Variants in MYO5B observed in about 807,000 individuals in gnomAD.
MYO5B encodes the protein myosin VB.
A neutral mutation model predicts 229.3 loss-of-function variants in MYO5B; 143 were observed. The observed-to-expected ratio is 0.62, with a 90% CI of 0.54 to 0.72. The LOEUF is 0.72. MYO5B is among the 30% of genes least tolerant of loss of function. MYO5B has a pLI of 0.00. For missense variants in MYO5B, 2,321 were observed against 2,331.0 expected, an observed-to-expected ratio of 1.00 and a Z score of 0.09; for synonymous variants, 918 against 885.2, an observed-to-expected ratio of 1.04 and a Z score of -0.66.
chr18:49,857,585 C>T lies in MYO5B; in HGVS notation c.3945-695G>A, dbSNP rs576982795. On this transcript the variant is annotated intron_variant, in intron 29 of 39. Transcript: ENST00000285039. ...AATAGCTAAAACAAGTTTTGTGATG[C>T]CCTAGATGAGAACTGAATGATGTCT... is the stretch of plus-strand genomic sequence containing the variant. 2.0e-5 allele frequency among the ~76,000 whole-genome samples: 3 copies of T among 152,280 alleles called. No homozygotes were observed. The South Asian group carries it at 6.2e-4, about 32-fold the overall frequency.
chr18:50,092,270 C>G (rs867805609), intron 1 of MYO5B, among the ~76,000 whole-genome samples: 2 of 152,034 alleles, frequency 1.3e-5, no homozygotes, highest in African/African-American at 4.8e-5. Flanking sequence ...AGATGCAGCC[C>G]CAAGCTGAAA....
intron 1 of MYO5B, among the ~76,000 whole-genome samples, chr18:50,144,380 C>A (rs8098073): frequency 6.6e-6 from 1 of 152,036 alleles, no homozygotes; most frequent in Admixed American, 6.5e-5. Context: ...GCCTCCCAAC[C>A]AGGAGGGGTT....
At chr18:49,832,522 C>T (rs1359927462) in intron 39 of MYO5B, among the ~76,000 whole-genome samples, 1 of 152,182 alleles carries the variant, frequency 6.6e-6, no homozygotes, top group African/African-American at 2.4e-5. Context: ...AACCTCGAAA[C>T]AGGCCATAGT....
chr18:49,954,289 C>T (rs1568045733), intron 13 of MYO5B, 24 bp downstream of exon 13: 3 of 1,613,344 alleles, frequency 1.9e-6, no homozygotes, highest in Non-Finnish European at 2.5e-6. Flanking sequence ...AGGGAATACC[C>T]GAGCCAACAG....
intron 14 of MYO5B, among the ~76,000 whole-genome samples, chr18:49,939,716 T>A (rs1168313667): frequency 6.6e-6 from 1 of 152,190 alleles, no homozygotes; most frequent in African/African-American, 2.4e-5. Context: ...AACCTCGGCC[T>A]CCGGATGCCC....
intron 1 of MYO5B, among the ~76,000 whole-genome samples, chr18:50,135,930 T>C (rs1033153078): frequency 1.3e-5 from 2 of 152,242 alleles, no homozygotes; most frequent in Admixed American, 6.5e-5. Flanking sequence ...ATGTCCTCTC[T>C]TTTCATCCAT....
intron 1 of MYO5B, among the ~76,000 whole-genome samples, chr18:50,139,754 T>C (rs1036681832): frequency 6.6e-6 from 1 of 151,836 alleles, no homozygotes; most frequent in Non-Finnish European, 1.5e-5. Flanking sequence ...GCCCACCAGC[T>C]CCAAAGCAAA....
chr18:49,833,660 G>A (rs577982514), intron 39 of MYO5B, among the ~76,000 whole-genome samples: 1 of 152,298 alleles, frequency 6.6e-6, no homozygotes, highest in South Asian at 2.1e-4. Flanking sequence ...AGCAGTTATA[G>A]TTCTCCCTCT....
At chr18:50,189,396 G>A (rs185331592) in intron 1 of MYO5B, among the ~76,000 whole-genome samples, 2 of 152,330 alleles carry the variant, frequency 1.3e-5, no homozygotes, top group African/African-American at 4.8e-5. Flanking sequence ...AACAGTATGG[G>A]TCATACTTTA....
Position 49,954,356 on chromosome 18 carries a change from C to T in MYO5B, c.1625G>A (p.Arg542His), listed in dbSNP as rs773025095. 4 of 1,613,820 alleles carry T rather than the reference C, an allele frequency of 2.5e-6. No homozygotes were observed. Among genetic ancestry groups the T allele is most frequent in the African/African-American group, 1.3e-5 (1 of 74,862 alleles). ...HSSSQHFQKP[R>H]MSNTAFIIVH... ...GATGATGAAGGCCGTGTTGGACATG[C>T]GGGGCTTCTGGAAGTGCTGGCTGCT... The change falls in exon 13 of 40, where the codon CGC becomes CAC. Residue 542 changes from arginine to histidine, a missense_variant. By Grantham distance (29) the Arg-to-His change is conservative. Coordinates refer to ENST00000285039, the MANE Select transcript of MYO5B (RefSeq NM_001080467.3).
At chr18:50,107,454 AC>A (rs1303669018) in intron 1 of MYO5B, among the ~76,000 whole-genome samples, 1 of 152,110 alleles carries the variant, frequency 6.6e-6, no homozygotes, top group Non-Finnish European at 1.5e-5. Flanking sequence ...GGGGAGTTCT[AC>A]CGTATTCTCA....
intron 1 of MYO5B, among the ~76,000 whole-genome samples, chr18:50,157,076 A>G (rs2032690200): frequency 6.8e-6 from 1 of 147,950 alleles, no homozygotes; most frequent in African/African-American, 2.5e-5. Context: ...AACAATGGAT[A>G]TCCTTTTTGT....
intron 31 of MYO5B, among the ~76,000 whole-genome samples, chr18:49,852,258 G>C (rs2024210019): frequency 6.6e-6 from 1 of 152,234 alleles, no homozygotes; most frequent in Non-Finnish European, 1.5e-5. Context: ...TGCACTACTT[G>C]GTCAATGGCC....
rs139989396 is a variant in MYO5B at position 49,856,316 on chromosome 18, G to A, written c.4022+497C>T. ...GCTGCCATCAGCTCCAGGGAGTCCCGGAGATCAGGACCAGCACACATACTG... is the reference window on the plus strand; with the variant it reads ...GCTGCCATCAGCTCCAGGGAGTCCCAGAGATCAGGACCAGCACACATACTG... On this transcript the variant is annotated intron_variant, in intron 30 of 39. Transcript: ENST00000285039. 2.8e-4 allele frequency among the ~76,000 whole-genome samples: 42 copies of A among 152,302 alleles called. No individual in the cohort carries two copies. The East Asian group carries it at 3.1e-3, about 11-fold the overall frequency.
chr18:50,019,301 CA>C (rs1331407715), intron 4 of MYO5B, among the ~76,000 whole-genome samples: 1 of 152,172 alleles, frequency 6.6e-6, no homozygotes, highest in Non-Finnish European at 1.5e-5. Context: ...GACTAAGCCA[CA>C]GTGAGAAGGC....
chr18:49,847,317 G>A (rs1361423725), intron 32 of MYO5B, 28 bp from the exon 33 acceptor site: 11 of 1,609,986 alleles, frequency 6.8e-6, no homozygotes, highest in South Asian at 1.1e-5. Flanking sequence ...CAGGAAGCAT[G>A]GATGAGACTT....
intron 1 of MYO5B, among the ~76,000 whole-genome samples, chr18:50,119,903 T>C (rs1250719393): frequency 1.3e-5 from 2 of 152,186 alleles, no homozygotes; most frequent in African/African-American, 4.8e-5. Flanking sequence ...ACTGGTGAAC[T>C]AGACCCTTCC....
chr18:50,103,916 A>T (rs1455939464), intron 1 of MYO5B, among the ~76,000 whole-genome samples: 1 of 152,012 alleles, frequency 6.6e-6, no homozygotes, highest in Non-Finnish European at 1.5e-5. Flanking sequence ...ACAGTTTACA[A>T]ATTATGTTAA....
intron 3 of MYO5B, among the ~76,000 whole-genome samples, chr18:50,039,276 G>C (rs185832015): frequency 3.2e-4 from 49 of 152,250 alleles, no homozygotes; most frequent in African/African-American, 6.7e-4. Flanking sequence ...TTTAAAAAGA[G>C]AGAGAGAGAT....
Sources: allele counts gnomAD v4.1 joint callset (sites outside exome capture counted in the v4.1 genomes callset), GRCh38; gene constraint gnomAD v4.1.1; transcripts MANE v1.5; gene names NCBI Gene and HGNC (gene_info 2026-07-23, HGNC 2026-07-21).